The following IL1RAPL1 variants were observed in gnomAD, a reference collection of about 807,000 sequenced individuals.
IL1RAPL1 encodes interleukin-1 receptor accessory protein-like 1.
In IL1RAPL1, 3 loss-of-function variants were observed where a neutral mutation model predicts 48.4. The ratio of observed to expected loss-of-function variants is 0.06; its 90% CI spans 0.03 to 0.16. The LOEUF (loss-of-function observed/expected upper bound fraction) is 0.16. Ranked by LOEUF, IL1RAPL1 falls within the 10% of genes least tolerant of loss-of-function variation. The pLI is 1.00. For missense variants in IL1RAPL1, 349 were observed against 530.6 expected, an observed-to-expected ratio of 0.66 and a Z score of 3.36; for synonymous variants, 185 against 187.7, an observed-to-expected ratio of 0.99 and a Z score of 0.12.
intron 5 of IL1RAPL1, among the ~76,000 whole-genome samples, chrX:29,434,097 TA>T (rs1477112730): frequency 9.2e-6 from 1 of 108,414 alleles, no homozygotes; most frequent in East Asian, 2.8e-4. Flanking sequence ...TATGTGTAGG[TA>T]TTTTTTTAAA....
At chrX:29,324,203 A>C (rs1462620802) in intron 3 of IL1RAPL1, among the ~76,000 whole-genome samples, 1 of 111,219 alleles carries the variant, frequency 9.0e-6, no homozygotes, top group Admixed American at 9.6e-5. Context: ...GTAGGAATGG[A>C]AAGAGGGTGA....
intron 3 of IL1RAPL1, among the ~76,000 whole-genome samples, chrX:29,357,709 C>T (rs1366280027): frequency 1.8e-5 from 2 of 112,069 alleles, no homozygotes; most frequent in Admixed American, 9.5e-5. Context: ...GACACGATAC[C>T]TTTCCTCCGT....
chrX:28,879,991 G>A (rs1252716743), intron 2 of IL1RAPL1, among the ~76,000 whole-genome samples: 3 of 111,683 alleles, frequency 2.7e-5, no homozygotes, highest in Non-Finnish European at 5.7e-5. Context: ...AAACATTATG[G>A]CAGGCTCTGT....
chrX:29,008,124 C>T (rs1176037192), intron 2 of IL1RAPL1, among the ~76,000 whole-genome samples: 1 of 111,036 alleles, frequency 9.0e-6, no homozygotes, highest in Non-Finnish European at 1.9e-5. Context: ...GCCTCAGCCT[C>T]CTGAGTAGCT....
At chrX:28,853,353 T>C (rs1921714965) in intron 2 of IL1RAPL1, among the ~76,000 whole-genome samples, 1 of 111,776 alleles carries the variant, frequency 8.9e-6, no homozygotes. Context: ...ATTGAAGTTA[T>C]CTACCTCTCT....
chrX:29,224,671 G>C (rs1282918231), intron 2 of IL1RAPL1, among the ~76,000 whole-genome samples: 1 of 111,435 alleles, frequency 9.0e-6, no homozygotes, highest in East Asian at 2.8e-4. Flanking sequence ...TCACTTTTTT[G>C]TAACATTTCA....
intron 2 of IL1RAPL1, among the ~76,000 whole-genome samples, chrX:28,801,510 T>A (rs2147271376): frequency 8.9e-6 from 1 of 111,880 alleles, no homozygotes; most frequent in South Asian, 3.7e-4. Flanking sequence ...ACGGTTAATC[T>A]TCATGTTAAG....
Position 29,471,818 on chromosome X carries a change from G to A in IL1RAPL1, c.703+72510G>A, listed in dbSNP as rs150590567. On this transcript the variant is annotated intron_variant, in intron 5 of 10. Coordinates refer to ENST00000378993, the MANE Select transcript of IL1RAPL1 (RefSeq NM_014271.4). Reference sequence around the variant, plus strand: ...AATCATCCAATATGTGACTTTTTGCGTCTGGTTTCTTTCACTTATCATCAG... The same window carrying A: ...AATCATCCAATATGTGACTTTTTGCATCTGGTTTCTTTCACTTATCATCAG... 5.0e-3 allele frequency among the ~76,000 whole-genome samples: 557 copies of A among 111,001 alleles called. 5 individuals are homozygous for A. Among genetic ancestry groups the A allele is most frequent in the African/African-American group, 0.016 (496 of 30,488 alleles).
intron 2 of IL1RAPL1, among the ~76,000 whole-genome samples, chrX:29,234,290 A>G (rs1931252611): frequency 8.9e-6 from 1 of 112,333 alleles, no homozygotes; most frequent in South Asian, 3.7e-4. Context: ...GTTATGCAGC[A>G]ATAAATAACA....
chrX:28,860,078 T>C (rs1921903354), intron 2 of IL1RAPL1, among the ~76,000 whole-genome samples: 1 of 111,864 alleles, frequency 8.9e-6, no homozygotes, highest in Non-Finnish European at 1.9e-5. Flanking sequence ...TTTTAAGAAA[T>C]TGCTGATACT....
intron 6 of IL1RAPL1, among the ~76,000 whole-genome samples, chrX:29,719,743 CAAAAAAA>C (rs372308075): frequency 8.2e-4 from 18 of 21,883 alleles, no homozygotes; most frequent in East Asian, 2.5e-3. Flanking sequence ...GAAAGATGAG[CAAAAAAA>C]AAAAAAAAAA....
At chrX:29,608,401 A>C (rs1923964379) in intron 5 of IL1RAPL1, among the ~76,000 whole-genome samples, 1 of 109,742 alleles carries the variant, frequency 9.1e-6, no homozygotes, top group Admixed American at 9.8e-5. Context: ...AAAAAAAAGG[A>C]AGGAAGGAAG....
Position 29,387,966 on chromosome X carries a change from C to T in IL1RAPL1, c.363-8292C>T, listed in dbSNP as rs779878815. On this transcript the variant is annotated intron_variant, in intron 3 of 10. Coordinates refer to ENST00000378993, the MANE Select transcript of IL1RAPL1 (RefSeq NM_014271.4). ...CGAAATCATGCCGCTGCACTCCAGGCTGGGCGAAAGAGCAAGACTCTGTCT... is the reference window on the plus strand; with the variant it reads ...CGAAATCATGCCGCTGCACTCCAGGTTGGGCGAAAGAGCAAGACTCTGTCT... 3.8e-5 allele frequency among the ~76,000 whole-genome samples: 4 copies of T among 105,253 alleles called. No individual in the cohort carries two copies. The East Asian group carries it at 1.2e-3, about 31-fold the overall frequency. The allele number at this position is 105,253 out of a possible 115,157, so 91.4% of individuals were successfully genotyped here.
chrX:29,906,802 G>C (rs923375853), intron 6 of IL1RAPL1, among the ~76,000 whole-genome samples: 5 of 109,419 alleles, frequency 4.6e-5, no homozygotes, highest in African/African-American at 1.3e-4. Flanking sequence ...AATCACCTGA[G>C]GGTGCTTGTT....
intron 3 of IL1RAPL1, among the ~76,000 whole-genome samples, chrX:29,378,511 A>G (rs141074857): frequency 1.0e-3 from 113 of 112,333 alleles, no homozygotes; most frequent in African/African-American, 3.2e-3. Flanking sequence ...GTGTTCTTCT[A>G]TCTGTGGTGT....
At chrX:29,827,655 G>C (rs180860412) in intron 6 of IL1RAPL1, among the ~76,000 whole-genome samples, 1 of 112,452 alleles carries the variant, frequency 8.9e-6, no homozygotes, top group Non-Finnish European at 1.9e-5. Context: ...TAAAAGCACA[G>C]TCTTTGGGAC....
At chrX:29,783,397 T>C (rs892331146) in intron 6 of IL1RAPL1, among the ~76,000 whole-genome samples, 2 of 110,719 alleles carry the variant, frequency 1.8e-5, no homozygotes, top group African/African-American at 3.3e-5. Flanking sequence ...GCTTTAGGAA[T>C]TGGCCAGCGG....
intron 6 of IL1RAPL1, among the ~76,000 whole-genome samples, chrX:29,686,932 A>G (rs1189153711): frequency 9.1e-6 from 1 of 109,700 alleles, no homozygotes; most frequent in East Asian, 2.8e-4. Flanking sequence ...AGAAATACAC[A>G]TCAAATCTAC....
chrX:29,462,918 G>A (rs1291633004), intron 5 of IL1RAPL1, among the ~76,000 whole-genome samples: 3 of 111,517 alleles, frequency 2.7e-5, no homozygotes, highest in Non-Finnish European at 5.6e-5. Flanking sequence ...CTGTATTGGA[G>A]CTTGACATTT....
Sources: gnomAD v4.1 joint callset for allele counts (sites outside exome capture counted in the v4.1 genomes callset) on GRCh38, gnomAD v4.1.1 for gene constraint, MANE v1.5 for transcripts, NCBI Gene and HGNC (gene_info 2026-07-23, HGNC 2026-07-21) for gene names.